The following ADAMTS19 variants were observed in gnomAD, a reference collection of about 807,000 sequenced individuals.
ADAMTS19 encodes A disintegrin and metalloproteinase with thrombospondin motifs 19.
ADAMTS19 carries 93 observed loss-of-function variants against 153.3 expected under a neutral mutation model. The observed-to-expected ratio is 0.61, with a 90% confidence interval of 0.51 to 0.72. ADAMTS19 has a LOEUF of 0.72. Among genes scored for constraint, ADAMTS19 ranks in the 30% least tolerant of loss-of-function variants. The pLI, the probability that ADAMTS19 is intolerant of heterozygous loss-of-function variation, is 0.00. For missense variants in ADAMTS19, 1,482 were observed against 1,552.1 expected (o/e 0.95, Z 0.76); for synonymous variants, 600 against 556.6 (o/e 1.08, Z -1.10).
intron 8 of ADAMTS19, among the ~76,000 whole-genome samples, chr5:129,617,433 A>T (rs1231126563): frequency 6.6e-6 from 1 of 152,046 alleles, no homozygotes; most frequent in Non-Finnish European, 1.5e-5. Flanking sequence ...CCAAATTGCC[A>T]AATCTTGGAA....
intron 21 of ADAMTS19, among the ~76,000 whole-genome samples, chr5:129,733,636 A>G (rs1757541346): frequency 6.6e-6 from 1 of 152,118 alleles, no homozygotes; most frequent in African/African-American, 2.4e-5. Flanking sequence ...AATGGCTACT[A>G]TCAAAAAGAC....
intron 10 of ADAMTS19, among the ~76,000 whole-genome samples, chr5:129,635,364 TA>T: frequency 6.6e-6 from 1 of 152,278 alleles, no homozygotes; most frequent in East Asian, 1.9e-4. Flanking sequence ...CTCAAAGAGC[TA>T]AAAACAGAAA....
chr5:129,486,260 A>C (rs1291601185), intron 2 of ADAMTS19, among the ~76,000 whole-genome samples: 3 of 152,190 alleles, frequency 2.0e-5, no homozygotes, highest in African/African-American at 4.8e-5. Context: ...AATTATTCTG[A>C]TACCCAAAAA....
intron 14 of ADAMTS19, among the ~76,000 whole-genome samples, chr5:129,655,616 GT>G (rs1190708462): frequency 6.6e-6 from 1 of 151,580 alleles, no homozygotes; most frequent in Non-Finnish European, 1.5e-5. Flanking sequence ...TTTTTTCCTC[GT>G]AAAAATGCAC....
At chr5:129,596,706 A>C in intron 8 of ADAMTS19, 42 bp downstream of exon 8, 1 of 1,406,306 alleles carries the variant, frequency 7.1e-7, no homozygotes, top group East Asian at 2.4e-5. Context: ...TTAGCATATA[A>C]CTTTGTAATT....
chr5:129,702,441 A>T (rs1469095526), intron 20 of ADAMTS19, among the ~76,000 whole-genome samples: 2 of 152,194 alleles, frequency 1.3e-5, no homozygotes, highest in African/African-American at 4.8e-5. Context: ...GGATGCAAAA[A>T]TGATAATTAA....
chr5:129,706,068 A>C (rs1344867758), intron 21 of ADAMTS19, among the ~76,000 whole-genome samples: 2 of 152,108 alleles, frequency 1.3e-5, no homozygotes, highest in African/African-American at 4.8e-5. Context: ...AAGATATAGG[A>C]TAGAATAAGG....
intron 2 of ADAMTS19, among the ~76,000 whole-genome samples, chr5:129,506,345 T>C (rs1051519409): frequency 6.6e-6 from 1 of 152,134 alleles, no homozygotes; most frequent in African/African-American, 2.4e-5. Context: ...ACTATAAACA[T>C]GTATTGAATG....
intron 7 of ADAMTS19, among the ~76,000 whole-genome samples, chr5:129,555,238 G>C (rs778857671): frequency 3.9e-5 from 6 of 152,034 alleles, no homozygotes; most frequent in Non-Finnish European, 8.8e-5. Context: ...GGTATAGTAA[G>C]AGGAAAGAAC....
chr5:129,580,556 A>G (rs1749463436), intron 7 of ADAMTS19, among the ~76,000 whole-genome samples: 1 of 152,122 alleles, frequency 6.6e-6, no homozygotes, highest in Non-Finnish European at 1.5e-5. Flanking sequence ...TCACTATGAT[A>G]TTGGCAGTGG....
At chr5:129,708,612 A>AAAAAAT in intron 21 of ADAMTS19, among the ~76,000 whole-genome samples, 1 of 150,850 alleles carries the variant, frequency 6.6e-6, no homozygotes. Flanking sequence ...AAAAAAAAAA[A>AAAAAAT]AAGAGTACTA....
intron 10 of ADAMTS19, among the ~76,000 whole-genome samples, chr5:129,639,647 CA>C (rs1236196471): frequency 1.3e-5 from 2 of 152,050 alleles, no homozygotes; most frequent in Admixed American, 6.6e-5. Context: ...AGCATTATTC[CA>C]AAACTACAGT....
At chr5:129,473,857 T>C (rs1054222216) in intron 2 of ADAMTS19, among the ~76,000 whole-genome samples, 11 of 152,156 alleles carry the variant, frequency 7.2e-5, no homozygotes, top group African/African-American at 2.4e-4. Flanking sequence ...AATCAGTATT[T>C]AAAATGTAAC....
intron 7 of ADAMTS19, among the ~76,000 whole-genome samples, chr5:129,587,843 C>A (rs1159215950): frequency 6.6e-6 from 1 of 152,006 alleles, no homozygotes; most frequent in Non-Finnish European, 1.5e-5. Context: ...GTTTCTTCTG[C>A]AGTTGTACTC....
intron 10 of ADAMTS19, among the ~76,000 whole-genome samples, chr5:129,638,279 T>C (rs1349795369): frequency 1.3e-5 from 2 of 152,208 alleles, no homozygotes; most frequent in African/African-American, 4.8e-5. Context: ...ATAGAATTGT[T>C]CACCTTTTCT....
chr5:129,711,652 G>T, intron 21 of ADAMTS19, among the ~76,000 whole-genome samples: 1 of 151,958 alleles, frequency 6.6e-6, no homozygotes, highest in East Asian at 1.9e-4. Context: ...CTCCAGCCTG[G>T]GTGACAGAGT....
chr5:129,686,198 T>C (rs769323875), intron 18 of ADAMTS19, among the ~76,000 whole-genome samples: 2 of 152,078 alleles, frequency 1.3e-5, no homozygotes, highest in African/African-American at 2.4e-5. Flanking sequence ...TGAAGTGAGT[T>C]TGGAAATTGC....
At chr5:129,666,054 G>A (rs1324932603) in intron 16 of ADAMTS19, among the ~76,000 whole-genome samples, 1 of 151,190 alleles carries the variant, frequency 6.6e-6, no homozygotes, top group Non-Finnish European at 1.5e-5. Flanking sequence ...ACATACTAAA[G>A]GACTTGATTT....
chr5:129,620,497 A>T, intron 8 of ADAMTS19, 121 bp from the exon 9 acceptor site: 1 of 663,372 alleles, frequency 1.5e-6, no homozygotes, highest in Non-Finnish European at 2.2e-6. Context: ...TAATTTCCTT[A>T]AAACAAATTT....
Sources: gnomAD v4.1 joint callset for allele counts (sites outside exome capture counted in the v4.1 genomes callset) on GRCh38, gnomAD v4.1.1 for gene constraint, MANE v1.5 for transcripts, NCBI Gene and HGNC (gene_info 2026-07-23, HGNC 2026-07-21) for gene names.